The following CCDC85A variants were observed in gnomAD, a reference collection of about 807,000 sequenced individuals.
CCDC85A encodes coiled-coil domain-containing protein 85A.
CCDC85A carries 38 observed loss-of-function variants against 50.2 expected under a neutral mutation model. The ratio of observed to expected loss-of-function variants is 0.76; its 90% CI spans 0.58 to 0.99. The LOEUF (loss-of-function observed/expected upper bound fraction) is 0.99, where lower values mean the gene tolerates loss of function less well. Ranked by LOEUF, CCDC85A falls within the 50% of genes least tolerant of loss-of-function variation. CCDC85A has a pLI of 0.00. For synonymous variants in CCDC85A, 366 were observed against 301.4 expected, an observed-to-expected ratio of 1.21 and a Z score of -2.22; for missense variants, 820 against 742.0, an observed-to-expected ratio of 1.11 and a Z score of -1.22.
At chr2:56,303,347 G>A (rs1362309598) in intron 2 of CCDC85A, among the ~76,000 whole-genome samples, 1 of 152,104 alleles carries the variant, frequency 6.6e-6, no homozygotes, top group Non-Finnish European at 1.5e-5. Context: ...AATACTGGAC[G>A]ATGAGAACCC....
intron 3 of CCDC85A, among the ~76,000 whole-genome samples, chr2:56,364,473 G>A (rs1006812716): frequency 2.0e-5 from 3 of 152,152 alleles, no homozygotes; most frequent in Non-Finnish European, 4.4e-5. Flanking sequence ...AGCACTGCAT[G>A]AAGTTAATAT....
chr2:56,242,382 C>T (rs1669301929), intron 2 of CCDC85A, among the ~76,000 whole-genome samples: 1 of 151,996 alleles, frequency 6.6e-6, no homozygotes, highest in Non-Finnish European at 1.5e-5. Context: ...TCCTCAGAGG[C>T]CTCAGGAAGC....
intron 2 of CCDC85A, among the ~76,000 whole-genome samples, chr2:56,294,886 C>G (rs1354124939): frequency 1.3e-5 from 2 of 152,138 alleles, no homozygotes; most frequent in African/African-American, 2.4e-5. Context: ...TAATAGCTAG[C>G]TCCCTGAAAT....
rs539968958 is a variant in CCDC85A, at chr2:56,374,568, G to A, written c.1453-1248G>A. 1.3e-4 allele frequency among the ~76,000 whole-genome samples: 20 copies of A among 152,174 alleles called. No homozygotes were observed. In the South Asian group the frequency reaches 4.2e-3, roughly 32 times the overall value. On this transcript the variant is annotated intron_variant, in intron 4 of 5. Coordinates refer to ENST00000407595, the MANE Select transcript of CCDC85A (RefSeq NM_001080433.2). The stretch of plus-strand genomic sequence containing the variant: ...TCATGCCTGTAATCCTAGCACTTTG[G>A]GAGGCTGAGGCAGGAGGATCACTTG...
intron 2 of CCDC85A, among the ~76,000 whole-genome samples, chr2:56,340,791 G>A (rs373732596): frequency 1.4e-4 from 21 of 147,918 alleles, no homozygotes; most frequent in Middle Eastern, 3.6e-3. Flanking sequence ...CAGGAGAATC[G>A]CTTGAACCTG....
At chr2:56,379,740 A>G (rs1676497277) in intron 5 of CCDC85A, 1 of 964,680 alleles carries the variant, frequency 1.0e-6, no homozygotes, top group Non-Finnish European at 1.2e-6. Flanking sequence ...TTCTTTTTCA[A>G]CAAATCCAGG....
At chr2:56,224,508 G>T (rs116198816) in intron 2 of CCDC85A, among the ~76,000 whole-genome samples, 2 of 152,114 alleles carry the variant, frequency 1.3e-5, no homozygotes, top group Non-Finnish European at 2.9e-5. Flanking sequence ...CATGATCTAT[G>T]TGTAACATTT....
chr2:56,189,798 G>T (rs1221878892), intron 1 of CCDC85A, among the ~76,000 whole-genome samples: 2 of 152,148 alleles, frequency 1.3e-5, no homozygotes, highest in Non-Finnish European at 2.9e-5. Context: ...GAATAGCAGG[G>T]AGTATTTTTG....
chr2:56,343,574 T>C (rs1558650763), intron 3 of CCDC85A, among the ~76,000 whole-genome samples: 2 of 152,210 alleles, frequency 1.3e-5, no homozygotes, highest in Non-Finnish European at 2.9e-5. Context: ...GGCTGTTAAC[T>C]TGATGAGAAT....
intron 2 of CCDC85A, among the ~76,000 whole-genome samples, chr2:56,293,132 C>T (rs1671792527): frequency 6.6e-6 from 1 of 152,184 alleles, no homozygotes; most frequent in African/African-American, 2.4e-5. Flanking sequence ...GGGGAGTTAA[C>T]ATCTGTGGCA....
chr2:56,191,338 T>C (rs1340271249), intron 1 of CCDC85A, among the ~76,000 whole-genome samples: 3 of 152,232 alleles, frequency 2.0e-5, no homozygotes, highest in Non-Finnish European at 4.4e-5. Flanking sequence ...CTGTGTCCAC[T>C]GATATATCCC....
At chr2:56,319,452 A>C (rs1055537977) in intron 2 of CCDC85A, among the ~76,000 whole-genome samples, 1 of 152,122 alleles carries the variant, frequency 6.6e-6, no homozygotes, top group Non-Finnish European at 1.5e-5. Flanking sequence ...GGTAACTCTT[A>C]AGCACCAGAA....
chr2:56,295,187 C>T (rs1162555039), intron 2 of CCDC85A, among the ~76,000 whole-genome samples: 1 of 152,040 alleles, frequency 6.6e-6, no homozygotes, highest in Non-Finnish European at 1.5e-5. Flanking sequence ...ATCCCCACTT[C>T]CCAATAAATC....
chr2:56,267,320 T>G (rs915930116), intron 2 of CCDC85A, among the ~76,000 whole-genome samples: 2 of 152,078 alleles, frequency 1.3e-5, no homozygotes, highest in Middle Eastern at 3.2e-3. Flanking sequence ...AGTACTGCTA[T>G]TTCTGATCCT....
chr2:56,381,323 G>T (rs1676574732), intron 5 of CCDC85A, among the ~76,000 whole-genome samples: 1 of 152,028 alleles, frequency 6.6e-6, no homozygotes. Flanking sequence ...ACATACCTAG[G>T]AATGCCTGTT....
intron 5 of CCDC85A, among the ~76,000 whole-genome samples, chr2:56,378,356 A>G (rs550441973): frequency 6.6e-6 from 1 of 152,304 alleles, no homozygotes; most frequent in East Asian, 1.9e-4. Context: ...TGATGACACT[A>G]TATTCTTCTT....
chr2:56,283,687 G>A (rs552721257), intron 2 of CCDC85A, among the ~76,000 whole-genome samples: 15 of 152,088 alleles, frequency 9.9e-5, no homozygotes, highest in African/African-American at 2.4e-4. Flanking sequence ...ATTTACATTA[G>A]TAAAATTACT....
Position 56,192,434 on chromosome 2 carries a change from T to C in CCDC85A, c.277-43T>C. 6.4e-7 allele frequency: 1 copy of C among 1,562,102 alleles called. No individual in the cohort carries two copies. Among genetic ancestry groups the C allele is most frequent in the East Asian group, 2.2e-5 (1 of 44,458 alleles). ...CAGGAAGTCTGAGCCTGCTGACACC[T>C]CAGATGTGTACTTCCCTTGAATGGT... On this transcript the variant is annotated intron_variant, in intron 1 of 5. Coordinates refer to ENST00000407595, the MANE Select transcript of CCDC85A (RefSeq NM_001080433.2). This position sits in a 1 kb window ranked among gnomAD's most constrained non-coding sequence, Gnocchi z 4.7.
chr2:56,219,870 T>C (rs1668245247), intron 2 of CCDC85A, among the ~76,000 whole-genome samples: 1 of 151,990 alleles, frequency 6.6e-6, no homozygotes. Context: ...GACCTTGTCC[T>C]TGCTTTCATG....
Sources: allele counts gnomAD v4.1 joint callset (sites outside exome capture counted in the v4.1 genomes callset), GRCh38; gene constraint gnomAD v4.1.1; non-coding constraint Gnocchi (gnomAD v3.1); transcripts MANE v1.5; gene names NCBI Gene and HGNC (gene_info 2026-07-23, HGNC 2026-07-21).